NOTCH1: variants seen among roughly 807,000 people sequenced by gnomAD.
NOTCH1 encodes the protein neurogenic locus notch homolog protein 1.
A neutral mutation model predicts 254.8 loss-of-function variants in NOTCH1; 37 were observed. The ratio of observed to expected loss-of-function variants is 0.15; its 90% CI spans 0.11 to 0.19. The LOEUF (loss-of-function observed/expected upper bound fraction) is 0.19. Ranked by LOEUF, NOTCH1 falls within the 10% of genes least tolerant of loss-of-function variation. The pLI is 1.00. For missense variants in NOTCH1, 2,972 were observed against 3,708.6 expected, an observed-to-expected ratio of 0.80 and a Z score of 5.16; for synonymous variants, 1,731 against 1,618.1, an observed-to-expected ratio of 1.07 and a Z score of -1.68.
chr9:136,498,289 G>A (rs558518284), intron 33 of NOTCH1, among the ~76,000 whole-genome samples: 1 of 151,920 alleles, frequency 6.6e-6, no homozygotes, highest in South Asian at 2.1e-4. Flanking sequence ...CTGCACCTGT[G>A]CCCTGAGCAC....
Position 136,513,635 on chromosome 9 carries a change from G to A in NOTCH1, c.2208-98C>T, listed in dbSNP as rs961670753. On this transcript the variant is annotated intron_variant, in intron 13 of 33. Transcript: ENST00000651671. This position sits in a 1 kb window ranked among gnomAD's most constrained non-coding sequence, Gnocchi z 4.7. ...TGCAATGCCCTATGGGCTGGCGGAG[G>A]TGCCCATCCACTCAGACTCGCAGAG... 7.9e-6 allele frequency: 11 copies of A among 1,391,344 alleles called. No individual in the cohort carries two copies. Among genetic ancestry groups the A allele is most frequent in the African/African-American group, 2.8e-5 (2 of 70,212 alleles). 86.2% of individuals were successfully genotyped at this position (1,391,344 alleles called of 1,614,324 possible). A position where few individuals can be genotyped will look rare whatever the true frequency, so the allele number is the denominator to read the frequency against.
At chr9:136,516,206 C>T (rs530425970) in intron 9 of NOTCH1, 112 bp from the exon 10 acceptor site, 482 of 779,956 alleles carry the variant, frequency 6.2e-4, no homozygotes, top group Non-Finnish European at 9.1e-4. Context: ...CCAGGGCACA[C>T]TCAGCCTGAG....
chr9:136,515,759 C>T lies in NOTCH1; in HGVS notation c.1670-43G>A, dbSNP rs913865159. The T allele has an allele frequency of 2.1e-5, 31 of 1,508,512 alleles. No homozygotes were observed. The African/African-American group carries it at 2.8e-4, about 13-fold the overall frequency. 93.4% of individuals were successfully genotyped at this position (1,508,512 alleles called of 1,614,324 possible). On this transcript the variant is annotated intron_variant, in intron 10 of 33. Transcript: ENST00000651671. ...CGGGCACAGGAAGACTTAGGACTGG[C>T]GGCCCCCGGGACACCCATGACCAGA...
intron 2 of NOTCH1, among the ~76,000 whole-genome samples, chr9:136,530,832 A>C (rs925756671): frequency 1.3e-5 from 2 of 152,150 alleles, no homozygotes; most frequent in African/African-American, 4.8e-5. Flanking sequence ...GATGGCTCAG[A>C]GGCAGGGAAG....
At chr9:136,535,222 T>A (rs1203388909) in intron 2 of NOTCH1, among the ~76,000 whole-genome samples, 1 of 151,460 alleles carries the variant, frequency 6.6e-6, no homozygotes, top group Non-Finnish European at 1.5e-5. Flanking sequence ...GCCCAGCGGG[T>A]GCAGCCAGGT....
chr9:136,508,514 GC>G, intron 19 of NOTCH1, 129 bp from the exon 20 acceptor site: 1 of 1,313,464 alleles, frequency 7.6e-7, no homozygotes, highest in African/African-American at 1.4e-5. Flanking sequence ...GGAAACTGCC[GC>G]CCCTGGACTC....
In NOTCH1 at chr9:136,508,108, T is replaced by C; in HGVS notation, c.3357A>G (p.Gly1119=). 1 of 1,608,868 alleles carries C rather than the reference T, an allele frequency of 6.2e-7. No individual in the cohort carries two copies. The highest frequency in any genetic ancestry group is 8.5e-7 in the Non-Finnish European group (1 of 1,179,856). Residue 1119 remains glycine, a synonymous_variant, in exon 21 of 34, where the codon GGA becomes GGG. Transcript: ENST00000651671. ...TGTTGCCCGCGTCCACACAGAGCCC[T>C]CCATGCTGGCACAGGCGGGCAACGT... ...GVDVARLCQH[G]GLCVDAGNTH...
intron 15 of NOTCH1, 24 bp downstream of exon 15, chr9:136,512,997 G>A (rs762787003): frequency 9.0e-6 from 5 of 554,906 alleles, no homozygotes; most frequent in African/African-American, 3.9e-5. Flanking sequence ...GCCCCCTCCA[G>A]CACAGGCCCC....
At chr9:136,515,250 G>A (rs762829544) in intron 12 of NOTCH1, 40 bp downstream of exon 12, 7 of 1,584,606 alleles carry the variant, frequency 4.4e-6, no homozygotes, top group Non-Finnish European at 5.2e-6. Flanking sequence ...CTTGACCTCT[G>A]AGCACAGTGC....
rs1253667076 is a variant in NOTCH1 at position 136,505,714 on chromosome 9, G to A, written c.4182C>T (p.Gly1394=). The stretch of plus-strand genomic sequence containing the variant: ...AGGTCCCCTGGTTGTAGCAGGGGTT[G>A]CCGCCCAGGCAGGGGCTGCTGGCCG... The part of the protein sequence containing the change: ...QFPASSPCLG[G]NPCYNQGTCE... Residue 1394 remains glycine, a synonymous_variant, in exon 25 of 34, where the codon GGC becomes GGT. Transcript: ENST00000651671. 2 of 1,600,390 alleles carry A rather than the reference G, an allele frequency of 1.2e-6. No individual in the cohort carries two copies. The highest frequency in any genetic ancestry group is 1.3e-5 in the African/African-American group (1 of 74,686).
chr9:136,540,185 CAT>C lies in NOTCH1; in HGVS notation c.140+3837_140+3838del, dbSNP rs1400317827. Among the ~76,000 whole-genome samples, 3 of 152,238 alleles carry C rather than the reference CAT, an allele frequency of 2.0e-5. No individual in the cohort carries two copies. The highest frequency in any genetic ancestry group is 4.8e-5 in the African/African-American group (2 of 41,464). On this transcript the variant is annotated intron_variant, in intron 2 of 33. Coordinates refer to ENST00000651671, the MANE Select transcript of NOTCH1 (RefSeq NM_017617.5). The surrounding 1 kb of genome is among the most constrained non-coding windows in gnomAD (Gnocchi z 4.4). ...GCCGGCACACCCCCAACATGTCCCA[CAT>C]GTGAGCTAGGTGCCTCTCTCACGCC...
At chr9:136,538,035 G>A (rs1194797990) in intron 2 of NOTCH1, among the ~76,000 whole-genome samples, 9 of 152,268 alleles carry the variant, frequency 5.9e-5, no homozygotes, top group Admixed American at 3.3e-4. Flanking sequence ...AGCCAAGACT[G>A]CGTCACTCTA....
chr9:136,517,214 C>A, intron 9 of NOTCH1, 58 bp downstream of exon 9: 5 of 1,137,122 alleles, frequency 4.4e-6, no homozygotes, highest in Non-Finnish European at 5.2e-6. Context: ...CGCCCAGGCA[C>A]CCCTCAGGAG....
intron 7 of NOTCH1, 72 bp downstream of exon 7, chr9:136,518,065 A>C: frequency 6.4e-7 from 1 of 1,552,082 alleles, no homozygotes; most frequent in Non-Finnish European, 8.7e-7. Context: ...CTGAAGCCAG[A>C]ATCGACTTCT....
chr9:136,527,520 G>A (rs956235166), intron 2 of NOTCH1, among the ~76,000 whole-genome samples: 1 of 152,206 alleles, frequency 6.6e-6, no homozygotes, highest in Non-Finnish European at 1.5e-5. Context: ...CACCGTCCCC[G>A]CATCTCCTCC....
At position 136,523,954 on chromosome 9, in the gene NOTCH1, G is replaced by A. The variant is rs1348892740; in HGVS notation, c.166C>T (p.Arg56Ter). The A allele has an allele frequency of 6.4e-7, 1 of 1,563,586 alleles. No individual in the cohort carries two copies. The highest frequency in any genetic ancestry group is 1.9e-5 in the Admixed American group (1 of 52,862). ...AGGCACGGGTTGGGGTCCTGGCATC[G>A]CGGGCCCACGAAGGCCCCGCCACAG... is the stretch of plus-strand genomic sequence containing the variant. ...CVCGGAFVGP[R>*]CQDPNPCLST... Residue 56 changes from arginine to a stop codon, truncating the protein, a stop_gained, in exon 3 of 34, where the codon CGA becomes TGA. Coordinates refer to ENST00000651671, the MANE Select transcript of NOTCH1 (RefSeq NM_017617.5). LOFTEE classifies it high-confidence loss of function.
At position 136,527,864 on chromosome 9, in the gene NOTCH1, G is replaced by A. The variant is rs755607135; in HGVS notation, c.141-3885C>T. Among the ~76,000 whole-genome samples, 29 of 152,094 alleles carry A rather than the reference G, an allele frequency of 1.9e-4. 1 individual carries two copies. Among genetic ancestry groups the A allele is most frequent in the Non-Finnish European group, 3.8e-4 (26 of 68,002 alleles). ...CGGGGGGAGGGTGCCAAGTGGCCCC[G>A]GCGCCTGCTGTGCCGCTCCCGCCAC... On this transcript the variant is annotated intron_variant, in intron 2 of 33. Coordinates refer to ENST00000651671, the MANE Select transcript of NOTCH1 (RefSeq NM_017617.5).
intron 19 of NOTCH1, among the ~76,000 whole-genome samples, 193 bp from the exon 20 acceptor site, chr9:136,508,578 C>G (rs1309534367): frequency 6.6e-6 from 1 of 152,240 alleles, no homozygotes; most frequent in African/African-American, 2.4e-5. Flanking sequence ...TCAGGGCCCT[C>G]AGCAGGTCCA....
At position 136,508,139 on chromosome 9, in the gene NOTCH1, C is replaced by G. The variant is rs772310059; in HGVS notation, c.3326G>C (p.Gly1109Ala). 3.7e-6 allele frequency: 6 copies of G among 1,608,072 alleles called. No homozygotes were observed. The Admixed American group carries it at 1.0e-4, about 27-fold the overall frequency. Residue 1109 changes from glycine (G) to alanine (A), a missense_variant and splice_region_variant, in exon 21 of 34, where the codon GGT becomes GCT. Gly to Ala is a moderately conservative substitution (Grantham distance 60). Transcript: ENST00000651671. ...VSCEVAAQRQ[G>A]VDVARLCQHG... ...CTGGCACAGGCGGGCAACGTCAACA[C>G]CTGCGGGGGATGGGGTGGTAGACAG...
Sources: gnomAD v4.1 joint callset for allele counts (sites outside exome capture counted in the v4.1 genomes callset) on GRCh38, gnomAD v4.1.1 for gene constraint, Gnocchi (gnomAD v3.1) non-coding constraint, MANE v1.5 for transcripts, NCBI Gene and HGNC (gene_info 2026-07-23, HGNC 2026-07-21) for gene names.